Variants in CNTNAP2 observed in about 807,000 individuals in gnomAD.
CNTNAP2 encodes the protein contactin-associated protein-like 2.
CNTNAP2 carries 98 observed loss-of-function variants against 155.2 expected under a neutral mutation model. That is an observed-to-expected ratio of 0.63 (90% CI 0.54 to 0.75). The LOEUF (loss-of-function observed/expected upper bound fraction) is 0.75. Among genes scored for constraint, CNTNAP2 ranks in the 30% least tolerant of loss-of-function variants. CNTNAP2 has a pLI of 0.00. For missense variants in CNTNAP2, 1,727 were observed against 1,688.1 expected, an observed-to-expected ratio of 1.02 and a Z score of -0.40; for synonymous variants, 651 against 631.2, an observed-to-expected ratio of 1.03 and a Z score of -0.47.
At chr7:147,220,376 A>G (rs999526834) in intron 8 of CNTNAP2, among the ~76,000 whole-genome samples, 3 of 152,112 alleles carry the variant, frequency 2.0e-5, no homozygotes, top group African/African-American at 4.8e-5. Context: ...TTATATTTAA[A>G]CTGAGTTTCT....
intron 1 of CNTNAP2, among the ~76,000 whole-genome samples, chr7:146,620,278 A>G (rs189201224): frequency 6.6e-6 from 1 of 152,236 alleles, no homozygotes; most frequent in Admixed American, 6.5e-5. Flanking sequence ...ATGCCAAGAC[A>G]TACAATCTCA....
chr7:148,188,590 G>C (rs1025612106), intron 18 of CNTNAP2, among the ~76,000 whole-genome samples: 1 of 152,154 alleles, frequency 6.6e-6, no homozygotes, highest in Non-Finnish European at 1.5e-5. Context: ...CTCCCCTCTG[G>C]CAGTTTCTCT....
At chr7:148,295,555 A>C (rs6951043) in intron 21 of CNTNAP2, among the ~76,000 whole-genome samples, 1 of 143,718 alleles carries the variant, frequency 7.0e-6, no homozygotes, top group Non-Finnish European at 1.5e-5. Context: ...GCTGTGGCGC[A>C]GTCTCGGCTC....
At chr7:148,260,853 T>G (rs539632432) in intron 20 of CNTNAP2, among the ~76,000 whole-genome samples, 1 of 152,272 alleles carries the variant, frequency 6.6e-6, no homozygotes, top group South Asian at 2.1e-4. Context: ...TGTGAGGGCC[T>G]TCACAGGACA....
At chr7:147,339,401 G>A (rs981393994) in intron 9 of CNTNAP2, among the ~76,000 whole-genome samples, 2 of 152,014 alleles carry the variant, frequency 1.3e-5, no homozygotes, top group Admixed American at 1.3e-4. Context: ...TTCATTATGT[G>A]AACTCTTTGT....
In CNTNAP2 at chr7:148,022,480, A is replaced by AAAAAAGAAAAAAAG. The variant is rs1554463127; in HGVS notation, c.2383+44495_2383+44496insAGAAAAAAAGAAAA. On this transcript the variant is annotated intron_variant, in intron 15 of 23. Transcript: ENST00000361727. The stretch of plus-strand genomic sequence containing the variant: ...GGAGACTCCGTCTCAAAAAAAAAAA[A>AAAAAAGAAAAAAAG]AAAAGAAAAGAAAAGAAAAAGAATC... Among the ~76,000 whole-genome samples the AAAAAAGAAAAAAAG allele has an allele frequency of 1.6e-3, 216 of 138,310 alleles. 4 individuals carry two copies. The highest frequency in any genetic ancestry group is 5.6e-3 in the African/African-American group (206 of 36,770). 90.7% of individuals were successfully genotyped at this position (138,310 alleles called of 152,430 possible).
chr7:147,348,220 A>G (rs929908231), intron 9 of CNTNAP2, among the ~76,000 whole-genome samples: 1 of 152,078 alleles, frequency 6.6e-6, no homozygotes, highest in African/African-American at 2.4e-5. Context: ...CAACAGAGTA[A>G]AAGCCTACAG....
At chr7:146,736,789 G>T (rs1280559725) in intron 1 of CNTNAP2, among the ~76,000 whole-genome samples, 6 of 152,120 alleles carry the variant, frequency 3.9e-5, no homozygotes, top group African/African-American at 1.2e-4. Flanking sequence ...ATAGAACATA[G>T]ATTCTTCAGA....
intron 10 of CNTNAP2, among the ~76,000 whole-genome samples, chr7:147,431,450 T>G (rs1210700572): frequency 6.6e-6 from 1 of 152,172 alleles, no homozygotes; most frequent in African/African-American, 2.4e-5. Context: ...TAAACATACT[T>G]GAGTCTGTCC....
At chr7:147,721,886 C>T (rs141815434) in intron 13 of CNTNAP2, among the ~76,000 whole-genome samples, 71 of 152,228 alleles carry the variant, frequency 4.7e-4, no homozygotes, top group East Asian at 3.3e-3. Context: ...TTCTGAAACA[C>T]GGACTTCTAA....
chr7:148,282,402 T>C (rs1796989954), intron 21 of CNTNAP2, among the ~76,000 whole-genome samples: 1 of 152,192 alleles, frequency 6.6e-6, no homozygotes, highest in Non-Finnish European at 1.5e-5. Context: ...ACAGGTTTCT[T>C]ACAAATCTCA....
chr7:147,605,472 GCATGTCGAGCAAAGGTTA>G (rs1801041872), intron 12 of CNTNAP2, among the ~76,000 whole-genome samples: 2 of 152,154 alleles, frequency 1.3e-5, no homozygotes, highest in African/African-American at 4.8e-5. Flanking sequence ...GAAAGGAAAT[GCATGTCGAGCAAAGGTTA>G]CCTTGTCATG....
chr7:146,443,443 C>G (rs1421899249), intron 1 of CNTNAP2, among the ~76,000 whole-genome samples: 3 of 152,012 alleles, frequency 2.0e-5, no homozygotes, highest in African/African-American at 4.8e-5. Context: ...GCTCAGGCCT[C>G]CCTGTTTAGA....
rs1562993367 is a variant in CNTNAP2, at chr7:148,202,946, AAGAC to A, written c.3011-14338_3011-14335del. ...TCTTTTTTCCTCCTTCTTCTGCCAAAAGACAGATAAAGTATAATAACTTTGATGA... is the reference window on the plus strand; with the variant it reads ...TCTTTTTTCCTCCTTCTTCTGCCAAAAGATAAAGTATAATAACTTTGATGA... On this transcript the variant is annotated intron_variant, in intron 18 of 23. Coordinates refer to ENST00000361727, the MANE Select transcript of CNTNAP2 (RefSeq NM_014141.6). Among the ~76,000 whole-genome samples the A allele has an allele frequency of 1.6e-4, 24 of 152,222 alleles. No individual in the cohort carries two copies. The South Asian group carries it at 5.0e-3, about 32-fold the overall frequency.
At chr7:148,250,229 C>T (rs567630941) in intron 20 of CNTNAP2, among the ~76,000 whole-genome samples, 1 of 152,192 alleles carries the variant, frequency 6.6e-6, no homozygotes, top group Admixed American at 6.5e-5. Context: ...GTGAGGCTAC[C>T]CTGACCGCCT....
chr7:147,155,872 C>G (rs1485750100), intron 8 of CNTNAP2, among the ~76,000 whole-genome samples: 3 of 152,084 alleles, frequency 2.0e-5, no homozygotes, highest in African/African-American at 4.8e-5. Context: ...CCCTGAGGAG[C>G]TTAGATCAGA....
At position 147,241,788 on chromosome 7, in the gene CNTNAP2, T is replaced by C. The variant is rs564665369; in HGVS notation, c.1349-58353T>C. The stretch of plus-strand genomic sequence containing the variant: ...AGGTGAAGTCTTCGTAAATATAATC[T>C]AGAATTGCTAGATAAAATAAGAGGC... On this transcript the variant is annotated intron_variant, in intron 8 of 23. Coordinates refer to ENST00000361727, the MANE Select transcript of CNTNAP2 (RefSeq NM_014141.6). Among the ~76,000 whole-genome samples the C allele has an allele frequency of 3.3e-5, 5 of 152,292 alleles. No individual in the cohort carries two copies. The East Asian group carries it at 7.7e-4, about 24-fold the overall frequency.
At chr7:146,362,459 G>A (rs539801205) in intron 1 of CNTNAP2, among the ~76,000 whole-genome samples, 11 of 152,244 alleles carry the variant, frequency 7.2e-5, no homozygotes, top group African/African-American at 2.4e-4. Context: ...GCTTCATCCC[G>A]AAGAGTGTGA....
At chr7:147,892,972 A>G (rs1327676597) in intron 13 of CNTNAP2, among the ~76,000 whole-genome samples, 1 of 152,200 alleles carries the variant, frequency 6.6e-6, no homozygotes, top group Non-Finnish European at 1.5e-5. Flanking sequence ...ACCTTTAACT[A>G]CCAAATTGAA....
Sources: gnomAD v4.1 joint callset for allele counts (sites outside exome capture counted in the v4.1 genomes callset) on GRCh38, gnomAD v4.1.1 for gene constraint, MANE v1.5 for transcripts, NCBI Gene and HGNC (gene_info 2026-07-23, HGNC 2026-07-21) for gene names.